The following GON4L variants were observed in gnomAD, a reference collection of about 807,000 sequenced individuals.
GON4L encodes the protein GON-4-like protein.
A neutral mutation model predicts 211.8 loss-of-function variants in GON4L; 87 were observed. The observed-to-expected ratio is 0.41, with a 90% CI of 0.35 to 0.49. The LOEUF is 0.49. GON4L is among the 20% of genes least tolerant of loss of function. GON4L has a pLI of 0.15. For synonymous variants in GON4L, 875 were observed against 962.6 expected (o/e 0.91, Z 1.68); for missense variants, 2,155 against 2,659.5 (o/e 0.81, Z 4.17).
rs1660710426 is a variant in GON4L at position 155,752,554 on chromosome 1, CGAG to C, written c.5876_5878del (p.Pro1959del). The C allele has an allele frequency of 6.3e-7, 1 of 1,598,784 alleles. No homozygotes were observed. Among genetic ancestry groups the C allele is most frequent in the Non-Finnish European group, 8.5e-7 (1 of 1,172,542 alleles). ...GAGCCGTTCTGTAACAGTCACTTCT[CGAG>C]GGGATGGCAAAGTGCTCCCCACTGC... On this transcript the variant is annotated inframe_deletion, in exon 30 of 32. Transcript: ENST00000368331.
intron 2 of GON4L, among the ~76,000 whole-genome samples, chr1:155,839,200 A>T (rs1306295723): frequency 6.6e-6 from 1 of 152,194 alleles, no homozygotes; most frequent in African/African-American, 2.4e-5. Flanking sequence ...ATAGGTAAAG[A>T]AAGTTATGGA....
Position 155,765,670 on chromosome 1 carries a change from C to A in GON4L, c.3803G>T (p.Ser1268Ile). The A allele has an allele frequency of 1.2e-6, 2 of 1,614,182 alleles. No individual in the cohort carries two copies. The highest frequency in any genetic ancestry group is 1.7e-6 in the Non-Finnish European group (2 of 1,180,046). The change falls in exon 21 of 32, where the codon AGC becomes ATC. Residue 1268 changes from serine to isoleucine, a missense_variant. Around this residue, in one of 6 missense-constraint regions of GON4L, gnomAD observed 615 missense variants for 625.7 expected, o/e 0.98. Coordinates refer to ENST00000368331, the MANE Select transcript of GON4L (RefSeq NM_001282860.2). ...SATVFPKVEH[S>I]PGPPLADAEC... is the part of the protein sequence containing the mutation. ...TGCATCTGCTAGTGGAGGCCCTGGGCTATGTTCCACTTTCGGGAAAACAGT... is the reference window on the plus strand; with the variant it reads ...TGCATCTGCTAGTGGAGGCCCTGGGATATGTTCCACTTTCGGGAAAACAGT...
rs762760202 is a variant in GON4L at position 155,765,358 on chromosome 1, G to C, written c.4115C>G (p.Thr1372Arg). The part of the protein sequence containing the change: ...SEELSSAGEV[T>R]KQTVLQKEEE... ...TTCCTTCTGTAAGACTGTCTGTTTC[G>C]TTACTTCTCCAGCACTGCTCAACTC... is the stretch of plus-strand genomic sequence containing the variant. Residue 1372 changes from threonine to arginine, a missense_variant, in exon 21 of 32, where the codon ACG becomes AGG. By Grantham distance (71) the Thr-to-Arg change is moderately conservative. Transcript: ENST00000368331. 6.2e-7 allele frequency: 1 copy of C among 1,613,958 alleles called. No individual in the cohort carries two copies. Among genetic ancestry groups the C allele is most frequent in the Non-Finnish European group, 8.5e-7 (1 of 1,180,002 alleles).
chr1:155,835,363 G>A (rs1042932931), intron 2 of GON4L, among the ~76,000 whole-genome samples: 1 of 151,792 alleles, frequency 6.6e-6, no homozygotes, highest in African/African-American at 2.4e-5. Flanking sequence ...AGGAAAACCA[G>A]AGACCTTTGT....
chr1:155,856,853 C>G (rs889917971), intron 1 of GON4L, among the ~76,000 whole-genome samples: 2 of 149,380 alleles, frequency 1.3e-5, no homozygotes, highest in Non-Finnish European at 2.9e-5. Context: ...CGACAGAATC[C>G]ACTTTTTTGG....
At chr1:155,816,973 C>T (rs1320284652) in intron 6 of GON4L, among the ~76,000 whole-genome samples, 6 of 151,826 alleles carry the variant, frequency 4.0e-5, no homozygotes, top group Admixed American at 3.9e-4. Context: ...TTTATAAGAG[C>T]TAGGGGGAAA....
intron 2 of GON4L, among the ~76,000 whole-genome samples, chr1:155,834,727 A>AC (rs913938131): frequency 6.6e-6 from 1 of 152,038 alleles, no homozygotes; most frequent in African/African-American, 2.4e-5. Flanking sequence ...TGCCATGGCA[A>AC]CCCCCAGATG....
chr1:155,763,179 G>A (rs1662026026), intron 22 of GON4L, 133 bp downstream of exon 22: 1 of 708,192 alleles, frequency 1.4e-6, no homozygotes. Context: ...GGGGAGGGGT[G>A]TTGCAGAAGA....
intron 2 of GON4L, among the ~76,000 whole-genome samples, chr1:155,847,251 CAATT>C (rs1671334053): frequency 6.6e-6 from 1 of 152,032 alleles, no homozygotes; most frequent in Admixed American, 6.6e-5. Context: ...TTGAAAGACA[CAATT>C]AAATGGATTG....
At chr1:155,801,808 A>C (rs965247605) in intron 11 of GON4L, among the ~76,000 whole-genome samples, 1 of 150,618 alleles carries the variant, frequency 6.6e-6, no homozygotes, top group Non-Finnish European at 1.5e-5. Flanking sequence ...GCTTGAACCC[A>C]GTAGGCAGAG....
chr1:155,823,443 A>G (rs1260571723), intron 3 of GON4L, among the ~76,000 whole-genome samples: 1 of 152,224 alleles, frequency 6.6e-6, no homozygotes, highest in South Asian at 2.1e-4. Context: ...TGAAAAGCCT[A>G]TAACTATCCT....
chr1:155,768,120 T>C (rs1662738326), intron 19 of GON4L, among the ~76,000 whole-genome samples: 1 of 152,116 alleles, frequency 6.6e-6, no homozygotes, highest in Non-Finnish European at 1.5e-5. Flanking sequence ...CTGGCCAACA[T>C]GGCAAAACCC....
chr1:155,851,520 A>G (rs1256227166), intron 2 of GON4L, among the ~76,000 whole-genome samples: 2 of 151,762 alleles, frequency 1.3e-5, no homozygotes, highest in Non-Finnish European at 2.9e-5. Context: ...GTTCAGGACC[A>G]AGCTGGCTAA....
At chr1:155,796,972 A>G (rs369123172) in intron 11 of GON4L, among the ~76,000 whole-genome samples, 1 of 152,202 alleles carries the variant, frequency 6.6e-6, no homozygotes, top group African/African-American at 2.4e-5. Context: ...ATGAAGACCA[A>G]TATGTATAGT....
At chr1:155,762,602 T>C (rs1180949295) in intron 22 of GON4L, among the ~76,000 whole-genome samples, 1 of 152,248 alleles carries the variant, frequency 6.6e-6, no homozygotes, top group Non-Finnish European at 1.5e-5. Flanking sequence ...AGCTACTTCA[T>C]ATTGAGAAAG....
chr1:155,763,464 T>C lies in GON4L; in HGVS notation c.4574A>G (p.Glu1525Gly). The change falls in exon 22 of 32, where the codon GAA becomes GGA. Residue 1525 changes from glutamate to glycine, a missense_variant. Physicochemically the swap from Glu to Gly is moderately conservative, Grantham distance 98. This residue lies in a region of GON4L where 35 missense variants were observed against 73.9 expected (regional missense o/e 0.47). Transcript: ENST00000368331. ...TTCTGCTTCTTCTTCCTCCTCTTCT[T>C]CTGGCTCAGAGTTCTCCTCCTGAGA... Reference protein sequence around the residue: ...ENSQEENSEPEEEEEEEAEGM... With the variant: ...ENSQEENSEPGEEEEEEAEGM... 1 of 1,554,048 alleles carries C rather than the reference T, an allele frequency of 6.4e-7. No individual in the cohort carries two copies. Among genetic ancestry groups the C allele is most frequent in the Non-Finnish European group, 8.7e-7 (1 of 1,148,130 alleles).
intron 3 of GON4L, among the ~76,000 whole-genome samples, chr1:155,824,176 A>C (rs1306956745): frequency 6.6e-6 from 1 of 151,746 alleles, no homozygotes; most frequent in Non-Finnish European, 1.5e-5. Context: ...GTGACCCAGC[A>C]CTTTGGGAAG....
intron 12 of GON4L, among the ~76,000 whole-genome samples, chr1:155,791,694 C>A (rs996358371): frequency 1.3e-5 from 2 of 151,738 alleles, no homozygotes; most frequent in African/African-American, 4.8e-5. Context: ...CTGGTGAAAC[C>A]CCGTCTCTAC....
Position 155,753,186 on chromosome 1 carries a change from C to T in GON4L, c.5842+18G>A, listed in dbSNP as rs3738592. 1.3e-5 allele frequency: 20 copies of T among 1,569,868 alleles called. No homozygotes were observed. The East Asian group carries it at 1.4e-4, about 11-fold the overall frequency. ...ACGAGACTGAGGAACAGAAGGGCTGCGTTGGCAAATCACTCACCTGAAACA... is the reference window on the plus strand; with the variant it reads ...ACGAGACTGAGGAACAGAAGGGCTGTGTTGGCAAATCACTCACCTGAAACA... On this transcript the variant is annotated intron_variant, in intron 29 of 31. Coordinates refer to ENST00000368331, the MANE Select transcript of GON4L (RefSeq NM_001282860.2).
Sources: gnomAD v4.1 joint callset for allele counts (sites outside exome capture counted in the v4.1 genomes callset) on GRCh38, gnomAD v4.1.1 for gene constraint, gnomAD v4.1.1 regional missense constraint, MANE v1.5 for transcripts, NCBI Gene and HGNC (gene_info 2026-07-23, HGNC 2026-07-21) for gene names.